SP100: variants seen among roughly 807,000 people sequenced by gnomAD.
SP100 encodes the protein SP100 nuclear body protein.
A neutral mutation model predicts 130.0 loss-of-function variants in SP100; 84 were observed. The observed-to-expected ratio is 0.65, with a 90% CI of 0.54 to 0.77. SP100 has a LOEUF of 0.77. Ranked by LOEUF, SP100 falls within the 30% of genes least tolerant of loss-of-function variation. SP100 has a pLI of 0.00. For synonymous variants in SP100, 331 were observed against 351.7 expected, an observed-to-expected ratio of 0.94 and a Z score of 0.66; for missense variants, 978 against 1,052.2, an observed-to-expected ratio of 0.93 and a Z score of 0.97.
chr2:230,498,346 T>C (rs1301480922), intron 18 of SP100, 115 bp from the exon 19 acceptor site: 1 of 484,046 alleles, frequency 2.1e-6, no homozygotes, highest in Non-Finnish European at 3.6e-6. Flanking sequence ...TTACATATTT[T>C]TCTTTGTGTG....
chr2:230,462,804 A>G (rs1016643162), intron 10 of SP100, among the ~76,000 whole-genome samples: 1 of 152,230 alleles, frequency 6.6e-6, no homozygotes, highest in Admixed American at 6.5e-5. Flanking sequence ...CCAAGTGATG[A>G]GTTTGTTTTT....
intron 12 of SP100, among the ~76,000 whole-genome samples, chr2:230,466,588 GT>G (rs902558417): frequency 1.3e-4 from 20 of 152,030 alleles, no homozygotes; most frequent in African/African-American, 4.1e-4. Flanking sequence ...ACAACAGAAG[GT>G]TTTTTATTTT....
At chr2:230,427,456 C>A (rs1414948402) in intron 2 of SP100, among the ~76,000 whole-genome samples, 2 of 151,988 alleles carry the variant, frequency 1.3e-5, no homozygotes, top group Non-Finnish European at 2.9e-5. Flanking sequence ...CCACTGCGCC[C>A]AACCTAAAAT....
chr2:230,493,233 T>C (rs2066482110), intron 17 of SP100, among the ~76,000 whole-genome samples: 1 of 152,240 alleles, frequency 6.6e-6, no homozygotes, highest in African/African-American at 2.4e-5. Context: ...TGTTATTTTA[T>C]TTGAAACAAT....
At chr2:230,441,282 A>C (rs1257765465) in intron 2 of SP100, among the ~76,000 whole-genome samples, 1 of 152,232 alleles carries the variant, frequency 6.6e-6, no homozygotes, top group East Asian at 1.9e-4. Flanking sequence ...CACACACTGG[A>C]ATGGCTAAAA....
chr2:230,523,777 C>G (rs781436647), intron 24 of SP100, among the ~76,000 whole-genome samples: 1 of 151,628 alleles, frequency 6.6e-6, no homozygotes, highest in South Asian at 2.1e-4. Flanking sequence ...GGCATGGTGG[C>G]GGGTGCCTAT....
intron 18 of SP100, among the ~76,000 whole-genome samples, chr2:230,495,286 C>T (rs1384053359): frequency 6.6e-6 from 1 of 152,180 alleles, no homozygotes; most frequent in Non-Finnish European, 1.5e-5. Flanking sequence ...ACTGGTGCCA[C>T]ATCAGATCTA....
chr2:230,513,312 C>T (rs986709821), intron 24 of SP100, among the ~76,000 whole-genome samples: 1 of 152,144 alleles, frequency 6.6e-6, no homozygotes, highest in Middle Eastern at 3.2e-3. Context: ...CTCTAAGATC[C>T]AGAAATAAAT....
chr2:230,486,920 A>T (rs2066132513), intron 17 of SP100, among the ~76,000 whole-genome samples: 1 of 152,114 alleles, frequency 6.6e-6, no homozygotes. Context: ...GCGTTTCTCT[A>T]ATGTTCAGTG....
intron 10 of SP100, 121 bp downstream of exon 10, chr2:230,462,639 C>T: frequency 2.7e-6 from 2 of 734,040 alleles, no homozygotes; most frequent in Non-Finnish European, 2.4e-6. Context: ...CCTGGGATCC[C>T]ATTCTTTGCA....
At chr2:230,443,523 C>T (rs1401903964) in intron 3 of SP100, among the ~76,000 whole-genome samples, 1 of 152,150 alleles carries the variant, frequency 6.6e-6, no homozygotes, top group African/African-American at 2.4e-5. Context: ...ATTTAAAATG[C>T]CTAGATCTGG....
intron 2 of SP100, among the ~76,000 whole-genome samples, chr2:230,424,695 G>A (rs1327511102): frequency 1.3e-5 from 2 of 151,756 alleles, no homozygotes; most frequent in African/African-American, 4.8e-5. Context: ...AGTGGGGGTG[G>A]AGCAGGGAAG....
chr2:230,515,518 G>A (rs763453840), intron 24 of SP100: 1 of 1,608,256 alleles, frequency 6.2e-7, no homozygotes, highest in East Asian at 2.2e-5. Flanking sequence ...TCGAGCTAAA[G>A]GAAAGCCTAA....
At chr2:230,503,416 T>A (rs1000272475) in intron 20 of SP100, among the ~76,000 whole-genome samples, 20 of 152,236 alleles carry the variant, frequency 1.3e-4, no homozygotes, top group African/African-American at 4.3e-4. Flanking sequence ...TACTTTCGTA[T>A]AATCAAATCA....
At chr2:230,538,995 T>C in intron 24 of SP100, 1 of 281,480 alleles carries the variant, frequency 3.6e-6, no homozygotes, top group Non-Finnish European at 7.0e-6. Context: ...TTTAATAAAT[T>C]GCTCAAAAAA....
At chr2:230,467,529 T>C (rs1027975631) in intron 13 of SP100, among the ~76,000 whole-genome samples, 1 of 152,210 alleles carries the variant, frequency 6.6e-6, no homozygotes, top group Non-Finnish European at 1.5e-5. Context: ...TCCACATGGC[T>C]GGGGAGGCCT....
At chr2:230,527,835 G>A (rs1023671477) in intron 24 of SP100, among the ~76,000 whole-genome samples, 1 of 152,064 alleles carries the variant, frequency 6.6e-6, no homozygotes, top group African/African-American at 2.4e-5. Flanking sequence ...AGACAAAGAA[G>A]GCCATTATAT....
rs986128228 is a variant in SP100 at position 230,449,072 on chromosome 2, A to G, written c.524-16A>G. The G allele has an allele frequency of 1.4e-6, 2 of 1,477,242 alleles. No homozygotes were observed. Among genetic ancestry groups the G allele is most frequent in the African/African-American group, 1.4e-5 (1 of 72,202 alleles). The allele number at this position is 1,477,242 out of a possible 1,614,324, so 91.5% of individuals were successfully genotyped here. A position where few individuals can be genotyped will look rare whatever the true frequency, so the allele number is the denominator to read the frequency against. On this transcript the variant is annotated splice_polypyrimidine_tract_variant and intron_variant, in intron 5 of 28. Transcript: ENST00000340126. The stretch of plus-strand genomic sequence containing the variant: ...ACCTCGATTTCTGAAATAAACTTCT[A>G]ATTTCTTCCTGCCAGGAACTGGTGA...
chr2:230,541,502 T>C (rs1671688017), intron 27 of SP100, 130 bp downstream of exon 27: 1 of 754,566 alleles, frequency 1.3e-6, no homozygotes, highest in South Asian at 1.7e-5. Context: ...TAGAAATTTA[T>C]CATAGATTAG....
Sources: allele counts gnomAD v4.1 joint callset (sites outside exome capture counted in the v4.1 genomes callset), GRCh38; gene constraint gnomAD v4.1.1; transcripts MANE v1.5; gene names NCBI Gene and HGNC (gene_info 2026-07-23, HGNC 2026-07-21).